The following PKD2L2 variants were observed in gnomAD, a reference collection of about 807,000 sequenced individuals.
PKD2L2 encodes polycystin-2-like protein 2.
In PKD2L2, 67 loss-of-function variants were observed where a neutral mutation model predicts 83.9. The observed-to-expected ratio is 0.80, with a 90% CI of 0.66 to 0.98. PKD2L2 has a LOEUF of 0.98. Ranked by LOEUF, PKD2L2 falls within the 50% of genes least tolerant of loss-of-function variation. The pLI, the probability that PKD2L2 is intolerant of heterozygous loss-of-function variation, is 0.00. For synonymous variants in PKD2L2, 223 were observed against 237.8 expected (o/e 0.94, Z 0.57); for missense variants, 632 against 717.2 (o/e 0.88, Z 1.36).
intron 4 of PKD2L2, among the ~76,000 whole-genome samples, chr5:137,897,959 C>CA (rs1180794410): frequency 3.4e-5 from 5 of 148,690 alleles, no homozygotes; most frequent in Admixed American, 6.7e-5. Context: ...AAAGAAGAAA[C>CA]AAAAAAAAAA....
At chr5:137,921,793 T>C (rs766471440) in intron 9 of PKD2L2, 37 bp downstream of exon 9, 188 of 1,473,032 alleles carry the variant, frequency 1.3e-4, no homozygotes, top group Non-Finnish European at 1.6e-4. Context: ...TTCTTACTTT[T>C]TAGAATAAAA....
At chr5:137,919,403 T>A (rs1383182137) in intron 8 of PKD2L2, among the ~76,000 whole-genome samples, 2 of 152,160 alleles carry the variant, frequency 1.3e-5, no homozygotes, top group Non-Finnish European at 2.9e-5. Context: ...ATTCTCCCTA[T>A]TACAGAGCAG....
rs199922960 is a variant in PKD2L2, at chr5:137,907,863, T to C, written c.1097T>C (p.Ile366Thr). The C allele has an allele frequency of 5.3e-6, 8 of 1,510,954 alleles. No individual in the cohort carries two copies. Among genetic ancestry groups the C allele is most frequent in the Non-Finnish European group, 7.3e-6 (8 of 1,094,182 alleles). 93.6% of individuals were successfully genotyped at this position (1,510,954 alleles called of 1,614,324 possible). A position where few individuals can be genotyped will look rare whatever the true frequency, so the allele number is the denominator to read the frequency against. ...SDFYFLACWH[I>T]YYNNIIAITI... ...TTCTATTTTCTTGCATGCTGGCACA[T>C]TTATTACAATAATATAATTGCTATT... The change falls in exon 7 of 15, where the codon ATT becomes ACT. Residue 366 changes from isoleucine to threonine, a missense_variant. Transcript: ENST00000508883.
chr5:137,924,704 C>T (rs1759227974), intron 10 of PKD2L2, among the ~76,000 whole-genome samples: 1 of 152,130 alleles, frequency 6.6e-6, no homozygotes, highest in Non-Finnish European at 1.5e-5. Context: ...TGCTTTTTTC[C>T]CCATCTTTTA....
intron 10 of PKD2L2, 147 bp from the exon 11 acceptor site, chr5:137,924,890 AAAG>A: frequency 4.9e-6 from 3 of 611,980 alleles, no homozygotes; most frequent in Non-Finnish European, 8.8e-6. Flanking sequence ...CAATGAGGTG[AAAG>A]AAGGATAATC....
At chr5:137,936,144 A>G (rs926215274) in intron 13 of PKD2L2, among the ~76,000 whole-genome samples, 176 bp from the exon 14 acceptor site, 64 of 152,338 alleles carry the variant, frequency 4.2e-4, no homozygotes, top group African/African-American at 1.4e-3. Context: ...TTTGATTTGC[A>G]TAACAGATCC....
Position 137,911,398 on chromosome 5 carries a change from A to G in PKD2L2, c.1328+2452A>G, listed in dbSNP as rs190562606. Among the ~76,000 whole-genome samples the G allele has an allele frequency of 2.5e-4, 38 of 152,288 alleles. 1 individual carries two copies. Among genetic ancestry groups the G allele is most frequent in the Admixed American group, 5.2e-4 (8 of 15,304 alleles). ...CAATACACACTTGGGTTGGTTCCAC[A>G]TTTTAGCTATTGTGAATAACAGTGC... On this transcript the variant is annotated intron_variant, in intron 8 of 14. Transcript: ENST00000508883.
intron 8 of PKD2L2, among the ~76,000 whole-genome samples, chr5:137,910,261 TAA>T (rs1757712861): frequency 6.8e-6 from 1 of 147,884 alleles, no homozygotes; most frequent in Non-Finnish European, 1.5e-5. Flanking sequence ...ATAATAATAA[TAA>T]TAATAATAAT....
intron 14 of PKD2L2, chr5:137,940,127 T>C (rs1203074424): frequency 6.2e-7 from 1 of 1,614,080 alleles, no homozygotes. Context: ...ATTCTCTGAG[T>C]GCCTGACAAA....
intron 9 of PKD2L2, 60 bp downstream of exon 9, chr5:137,921,816 C>G: frequency 3.2e-6 from 4 of 1,243,954 alleles, no homozygotes; most frequent in Non-Finnish European, 4.5e-6. Context: ...TAAAATTACT[C>G]ATTTAGAATA....
chr5:137,907,834 A>C lies in PKD2L2; in HGVS notation c.1068A>C (p.Ser356=). The C allele has an allele frequency of 6.4e-7, 1 of 1,563,508 alleles. No individual in the cohort carries two copies. Among genetic ancestry groups the C allele is most frequent in the Non-Finnish European group, 8.8e-7 (1 of 1,137,828 alleles). The change falls in exon 7 of 15, where the codon TCA becomes TCC. Residue 356 remains serine (S), a synonymous_variant. Coordinates refer to ENST00000508883, the MANE Select transcript of PKD2L2 (RefSeq NM_001300921.2). ...TGTTGAAAAGTACTGAAAAATATTC[A>C]GATTTCTATTTTCTTGCATGCTGGC... ...GQLLKSTEKY[S]DFYFLACWHI...
intron 7 of PKD2L2, 143 bp downstream of exon 7, chr5:137,908,055 C>T (rs1025697073): frequency 9.6e-6 from 4 of 415,230 alleles, no homozygotes; most frequent in African/African-American, 8.2e-5. Context: ...TGGCTCATAC[C>T]TGTACTCCTA....
At chr5:137,902,320 T>C (rs1338255933) in intron 5 of PKD2L2, among the ~76,000 whole-genome samples, 1 of 152,030 alleles carries the variant, frequency 6.6e-6, no homozygotes, top group African/African-American at 2.4e-5. Flanking sequence ...AAAATTACTA[T>C]GTAAAATCTG....
At chr5:137,893,469 A>G (rs1756170537) in intron 3 of PKD2L2, among the ~76,000 whole-genome samples, 1 of 152,196 alleles carries the variant, frequency 6.6e-6, no homozygotes, top group African/African-American at 2.4e-5. Flanking sequence ...AACCTGGCAT[A>G]TGCACATTGG....
At chr5:137,895,332 G>T (rs1017111565) in intron 4 of PKD2L2, among the ~76,000 whole-genome samples, 1 of 151,864 alleles carries the variant, frequency 6.6e-6, no homozygotes, top group African/African-American at 2.4e-5. Flanking sequence ...GCCAGGTGTG[G>T]TGGGGCTTGC....
intron 8 of PKD2L2, among the ~76,000 whole-genome samples, chr5:137,911,593 T>C (rs541721968): frequency 6.6e-6 from 1 of 152,346 alleles, no homozygotes; most frequent in South Asian, 2.1e-4. Flanking sequence ...TTTTGATACA[T>C]GTATACATTG....
At chr5:137,910,795 CAA>C (rs34676713) in intron 8 of PKD2L2, among the ~76,000 whole-genome samples, 2 of 142,652 alleles carry the variant, frequency 1.4e-5, no homozygotes, top group African/African-American at 2.6e-5. Context: ...AAAAGAAAAA[CAA>C]AAAAAAAAAG....
intron 10 of PKD2L2, 52 bp from the exon 11 acceptor site, chr5:137,924,988 T>C: frequency 9.8e-7 from 1 of 1,022,538 alleles, no homozygotes; most frequent in Non-Finnish European, 1.5e-6. Context: ...AAAACATTAA[T>C]AATCAAGGAT....
intron 11 of PKD2L2, among the ~76,000 whole-genome samples, chr5:137,925,606 A>C (rs781117211): frequency 6.6e-5 from 10 of 152,244 alleles, no homozygotes; most frequent in Non-Finnish European, 1.3e-4. Context: ...TTATACTTAC[A>C]CTGTATTTAC....
Sources: gnomAD v4.1 joint callset for allele counts (sites outside exome capture counted in the v4.1 genomes callset) on GRCh38, gnomAD v4.1.1 for gene constraint, MANE v1.5 for transcripts, NCBI Gene and HGNC (gene_info 2026-07-23, HGNC 2026-07-21) for gene names.